MYOM1: variants seen among roughly 807,000 people sequenced by gnomAD.
The protein encoded by MYOM1 is myomesin-1.
In MYOM1, 164 loss-of-function variants were observed where a neutral mutation model predicts 205.3. The ratio of observed to expected loss-of-function variants is 0.80; its 90% confidence interval spans 0.70 to 0.91. The LOEUF (loss-of-function observed/expected upper bound fraction) is 0.91, where lower values mean the gene tolerates loss of function less well. Ranked by LOEUF, MYOM1 falls within the 40% of genes least tolerant of loss-of-function variation. The pLI is 0.00. For missense variants in MYOM1, 2,011 were observed against 2,127.3 expected (o/e 0.95, Z 1.08); for synonymous variants, 772 against 789.4 (o/e 0.98, Z 0.37).
In MYOM1 at chr18:3,090,701, A is replaced by G. The variant is rs1175236538; in HGVS notation, c.3966T>C (p.Asp1322=). ...CAGTAGAATGGTTAGTTGCTTTTCC[A>G]TCTTGAAGCTGGAAAGTGTACGTTC... The part of the protein sequence containing the change: ...DEGTYTFQLQ[D]GKATNHSTVV... The change falls in exon 27 of 38, where the codon GAT becomes GAC. Residue 1322 remains aspartate, a synonymous_variant. Transcript: ENST00000356443. The G allele has an allele frequency of 1.2e-6, 2 of 1,613,980 alleles. No individual in the cohort carries two copies. The highest frequency in any genetic ancestry group is 2.2e-5 in the East Asian group (1 of 44,872).
the MYOM1 span, among the ~76,000 whole-genome samples, chr18:3,242,152 A>G: frequency 0.57 from 86,729 of 151,914 alleles, 25,803 homozygotes; most frequent in East Asian, 0.77. Flanking sequence ...CTGGGAAGGC[A>G]TGATTGGTTT....
chr18:3,068,672 A>G (rs115870893), intron 37 of MYOM1, among the ~76,000 whole-genome samples: 2,484 of 152,316 alleles, frequency 0.016, 61 homozygotes, highest in African/African-American at 0.056. Flanking sequence ...GTAACTCAGC[A>G]TAATTACATC....
intron 13 of MYOM1, among the ~76,000 whole-genome samples, chr18:3,148,012 C>T (rs9951976): frequency 0.011 from 1,745 of 152,168 alleles, 28 homozygotes; most frequent in African/African-American, 0.04. Flanking sequence ...GAGTAAAATG[C>T]AAATCAAAGC....
chr18:3,077,014 G>GTTTTTT (rs1308689052), intron 34 of MYOM1, among the ~76,000 whole-genome samples: 2 of 135,278 alleles, frequency 1.5e-5, no homozygotes, highest in African/African-American at 5.4e-5. Context: ...TCCCAGCCTT[G>GTTTTTT]TTTTTTTTTT....
At chr18:3,111,630 G>A (rs1209791726) in intron 22 of MYOM1, among the ~76,000 whole-genome samples, 2 of 152,048 alleles carry the variant, frequency 1.3e-5, no homozygotes, top group African/African-American at 4.8e-5. Context: ...CAAAACACAG[G>A]AAAATTATAC....
At chr18:3,075,689 G>T in intron 35 of MYOM1, 36 bp downstream of exon 35, 1 of 1,594,476 alleles carries the variant, frequency 6.3e-7, no homozygotes. Context: ...GGAAATTAGT[G>T]CATGCAAGTG....
At chr18:3,101,522 G>A (rs11081006) in intron 23 of MYOM1, among the ~76,000 whole-genome samples, 69,067 of 151,960 alleles carry the variant, frequency 0.45, 16,770 homozygotes, top group Admixed American at 0.62. Context: ...GCCAGCTCCT[G>A]GTAGAGATGG....
At chr18:3,239,127 C>T in the MYOM1 span, among the ~76,000 whole-genome samples, 13 of 152,124 alleles carry the variant, frequency 8.5e-5, no homozygotes, top group African/African-American at 2.2e-4. Context: ...CTTATACATA[C>T]GGGGTACATT....
At position 3,089,196 on chromosome 18, in the gene MYOM1, CA is replaced by C. The variant is rs776053433; in HGVS notation, c.4114del (p.Cys1372ValfsTer5). ...EYLSWEVTGECNVLLKCKVAN... is the reference protein window; with the variant it reads ...EYLSWEVTGEXNVLLKCKVAN... ...TACCTTGCATTTCAATAGTACATTA[CA>C]TTCACCAGTCACTTCCCAGCTCAAA... On this transcript the variant is annotated frameshift_variant, in exon 29 of 38. Coordinates refer to ENST00000356443, the MANE Select transcript of MYOM1 (RefSeq NM_003803.4). LOFTEE classifies it high-confidence loss of function. The C allele has an allele frequency of 6.2e-7, 1 of 1,611,746 alleles. No individual in the cohort carries two copies. Among genetic ancestry groups the C allele is most frequent in the Non-Finnish European group, 8.5e-7 (1 of 1,178,364 alleles).
At chr18:3,078,254 C>A (rs7351023) in intron 34 of MYOM1, among the ~76,000 whole-genome samples, 68,806 of 151,690 alleles carry the variant, frequency 0.45, 16,395 homozygotes, top group Admixed American at 0.59. Flanking sequence ...GTTGGCCAGG[C>A]TGGTGTCGAA....
chr18:3,208,019 C>T (rs1567969015), intron 2 of MYOM1, among the ~76,000 whole-genome samples: 1 of 152,200 alleles, frequency 6.6e-6, no homozygotes, highest in African/African-American at 2.4e-5. Context: ...ATTATATGAA[C>T]TTTTGGTCCT....
chr18:3,239,349 G>C, the MYOM1 span, among the ~76,000 whole-genome samples: 412 of 152,328 alleles, frequency 2.7e-3, no homozygotes, highest in Middle Eastern at 6.8e-3. Context: ...GGGCTCGTGA[G>C]AGCCATTATC....
At position 3,085,074 on chromosome 18, in the gene MYOM1, T is replaced by C; in HGVS notation, c.4310A>G (p.Asp1437Gly). ...ATCCACAAGCTTCAGTCTGCTCTTATCTTTTCCTCGGTCATCTTTCAGGAT... is the reference window on the plus strand; with the variant it reads ...ATCCACAAGCTTCAGTCTGCTCTTACCTTTTCCTCGGTCATCTTTCAGGAT... Reference protein sequence around the residue: ...EVILKDDRGKDKSRLKLVDEA... With the variant: ...EVILKDDRGKGKSRLKLVDEA... The change falls in exon 31 of 38, where the codon GAT (aspartate) becomes GGT (glycine). Residue 1437 changes from aspartate (D) to glycine (G), a missense_variant. Transcript: ENST00000356443. 6.2e-7 allele frequency: 1 copy of C among 1,608,850 alleles called. No individual in the cohort carries two copies. The highest frequency in any genetic ancestry group is 8.5e-7 in the Non-Finnish European group (1 of 1,177,506).
chr18:3,217,444 G>C (rs1168467865), intron 1 of MYOM1, among the ~76,000 whole-genome samples: 2 of 152,208 alleles, frequency 1.3e-5, no homozygotes, highest in East Asian at 3.8e-4. Flanking sequence ...ATCAGTTTGG[G>C]GTGGAAGAAC....
the MYOM1 span, chr18:3,236,406 CT>C: frequency 6.6e-6 from 1 of 152,206 alleles, no homozygotes; most frequent in East Asian, 1.9e-4. Flanking sequence ...TTTTGAAGGA[CT>C]TTGCTAATAG....
chr18:3,090,549 A>G (rs1473722491), intron 27 of MYOM1, 109 bp downstream of exon 27: 2 of 1,415,558 alleles, frequency 1.4e-6, no homozygotes, highest in South Asian at 2.6e-5. Flanking sequence ...TTAGAAGTCA[A>G]TTAAGAAAAA....
intron 5 of MYOM1, 145 bp downstream of exon 5, chr18:3,187,335 C>G: frequency 1.2e-6 from 1 of 834,820 alleles, no homozygotes; most frequent in Non-Finnish European, 1.8e-6. Context: ...ATCTCAATGC[C>G]TACCCTTCTT....
In MYOM1 at chr18:3,215,055, C is replaced by G. The variant is rs749096655; in HGVS notation, c.169G>C (p.Glu57Gln). ...SSRSSAAHRR[E>Q]SEAFRRASAS... ...GACGCCCGACGGAAGGCCTCGGACT[C>G]CCGGCGGTGCGCGGCGGAGGAGCGG... The change falls in exon 2 of 38, where the codon GAG (glutamate) becomes CAG (glutamine). Residue 57 changes from glutamate to glutamine, a missense_variant. Glu to Gln is a conservative substitution (Grantham distance 29). Coordinates refer to ENST00000356443, the MANE Select transcript of MYOM1 (RefSeq NM_003803.4). 2 of 1,613,444 alleles carry G rather than the reference C, an allele frequency of 1.2e-6. No homozygotes were observed. Among genetic ancestry groups the G allele is most frequent in the Non-Finnish European group, 1.7e-6 (2 of 1,179,752 alleles).
intron 5 of MYOM1, among the ~76,000 whole-genome samples, chr18:3,181,045 G>C (rs988965071): frequency 3.3e-5 from 5 of 151,850 alleles, no homozygotes; most frequent in African/African-American, 1.2e-4. Context: ...CCCTGCCTCA[G>C]CCTCCCAAGT....
Sources: allele counts gnomAD v4.1 joint callset (sites outside exome capture counted in the v4.1 genomes callset), GRCh38; gene constraint gnomAD v4.1.1; transcripts MANE v1.5; gene names NCBI Gene and HGNC (gene_info 2026-07-23, HGNC 2026-07-21).